The following GLG1 variants were observed in gnomAD, a reference collection of about 807,000 sequenced individuals.
GLG1 encodes the protein Golgi apparatus protein 1.
Under a neutral mutation model 160.5 loss-of-function variants are expected in GLG1, and 38 were observed. That is an observed-to-expected ratio of 0.24 (90% CI 0.18 to 0.31). The LOEUF (loss-of-function observed/expected upper bound fraction) is 0.31. Among genes scored for constraint, GLG1 ranks in the 10% least tolerant of loss-of-function variants. The pLI is 1.00. For synonymous variants in GLG1, 644 were observed against 543.4 expected, an observed-to-expected ratio of 1.19 and a Z score of -2.57; for missense variants, 1,373 against 1,505.2, an observed-to-expected ratio of 0.91 and a Z score of 1.45.
At chr16:74,569,057 C>G (rs2018743928) in intron 1 of GLG1, among the ~76,000 whole-genome samples, 1 of 152,186 alleles carries the variant, frequency 6.6e-6, no homozygotes, top group African/African-American at 2.4e-5. Context: ...GGGCAGAAAC[C>G]AAGCCCAAGG....
chr16:74,574,652 G>A (rs2018933582), intron 1 of GLG1, among the ~76,000 whole-genome samples: 2 of 151,836 alleles, frequency 1.3e-5, no homozygotes, highest in Non-Finnish European at 2.9e-5. Flanking sequence ...GGAGGCTGAG[G>A]AGGGAGGATC....
chr16:74,452,629 G>A lies in GLG1; in HGVS notation c.*538C>T, dbSNP rs560746492. The A allele has an allele frequency of 2.4e-4, 244 of 998,810 alleles. 1 individual carries two copies. The highest frequency in any genetic ancestry group is 2.7e-5 in the Non-Finnish European group (23 of 837,266). The allele number at this position is 998,810 out of a possible 1,614,324, so 61.9% of individuals were successfully genotyped here. A position where few individuals can be genotyped will look rare whatever the true frequency, so the allele number is the denominator to read the frequency against. On this transcript the variant is annotated 3_prime_UTR_variant, in exon 26 of 26. Coordinates refer to ENST00000422840, the MANE Select transcript of GLG1 (RefSeq NM_001145667.2). ...CCTCGGTGAAGACCACGGCCCTGGCGAGGCCCCAAGGTGCTTCTGAGAGAT... is the reference window on the plus strand; with the variant it reads ...CCTCGGTGAAGACCACGGCCCTGGCAAGGCCCCAAGGTGCTTCTGAGAGAT...
Position 74,493,036 on chromosome 16 carries a change from G to A in GLG1, c.1155C>T (p.Cys385=). The change falls in exon 7 of 26, where the codon TGC becomes TGT. Residue 385 remains cysteine, a synonymous_variant. Transcript: ENST00000422840. ...GCGATCGCGGAAGGTTTTCCACATT[G>A]CACCGGTATTTCTTCAAGTCACTTT... ...SCKSDLKKYR[C]NVENLPRSRE... The A allele has an allele frequency of 6.2e-7, 1 of 1,613,714 alleles. No homozygotes were observed. Among genetic ancestry groups the A allele is most frequent in the Non-Finnish European group, 8.5e-7 (1 of 1,179,734 alleles).
At chr16:74,484,081 CT>C (rs2015703119) in intron 9 of GLG1, among the ~76,000 whole-genome samples, 1 of 152,070 alleles carries the variant, frequency 6.6e-6, no homozygotes, top group Non-Finnish European at 1.5e-5. Context: ...TCCCTCTCCC[CT>C]GCCCCCTCTT....
At chr16:74,479,238 C>CAA (rs11343790) in intron 11 of GLG1, among the ~76,000 whole-genome samples, 18 of 85,720 alleles carry the variant, frequency 2.1e-4, no homozygotes, top group Non-Finnish European at 3.2e-4. Context: ...GGCTTTGTCT[C>CAA]AAAAAAAAAA....
intron 1 of GLG1, among the ~76,000 whole-genome samples, chr16:74,590,960 A>T (rs529000934): frequency 3.4e-4 from 51 of 151,902 alleles, no homozygotes; most frequent in Non-Finnish European, 5.6e-4. Context: ...AAAAAAAAAA[A>T]ATTAAAATAT....
At chr16:74,602,028 T>C (rs1165559591) in intron 1 of GLG1, among the ~76,000 whole-genome samples, 2 of 152,100 alleles carry the variant, frequency 1.3e-5, no homozygotes, top group African/African-American at 4.8e-5. Context: ...ATAATGATAG[T>C]CATTATCAAC....
chr16:74,491,711 C>T (rs141679328), intron 7 of GLG1, among the ~76,000 whole-genome samples: 2,727 of 144,482 alleles, frequency 0.019, 42 homozygotes, highest in Admixed American at 0.028. Flanking sequence ...GATCTCGGCT[C>T]ACTGCAAGCT....
chr16:74,528,742 G>A (rs965630247), intron 2 of GLG1, among the ~76,000 whole-genome samples: 1 of 141,642 alleles, frequency 7.1e-6, no homozygotes, highest in Non-Finnish European at 1.5e-5. Flanking sequence ...AACCCCAGAG[G>A]CGGAAGTTTC....
At chr16:74,592,617 G>C (rs1185534265) in intron 1 of GLG1, among the ~76,000 whole-genome samples, 1 of 152,136 alleles carries the variant, frequency 6.6e-6, no homozygotes, top group Non-Finnish European at 1.5e-5. Context: ...TTATAAATAA[G>C]AAAACTGGAG....
rs2017550136 is a variant in GLG1, at chr16:74,532,051, A to T, written c.471+70T>A. On this transcript the variant is annotated intron_variant, in intron 2 of 25. Transcript: ENST00000422840. ...ACATAGCACTTCCCAGAACAACAGG[A>T]AGAGCATCCCGAAATCTGTCATCGT... is the stretch of plus-strand genomic sequence containing the variant. 3 of 603,448 alleles carry T rather than the reference A, an allele frequency of 5.0e-6. No individual in the cohort carries two copies. In the South Asian group the frequency reaches 1.1e-4, roughly 22 times the overall value. The allele number at this position is 603,448 out of a possible 1,614,324, so 37.4% of individuals were successfully genotyped here.
intron 17 of GLG1, 67 bp downstream of exon 17, chr16:74,468,879 G>C: frequency 1.0e-6 from 1 of 976,330 alleles, no homozygotes; most frequent in Non-Finnish European, 1.7e-6. Context: ...CCTTGCCCTA[G>C]CCTCTCCCCA....
intron 1 of GLG1, among the ~76,000 whole-genome samples, chr16:74,589,996 T>TTTG (rs35360166): frequency 0.69 from 104,029 of 150,904 alleles, 36,594 homozygotes; most frequent in African/African-American, 0.82. Context: ...AAACTTCACT[T>TTTG]TTGTTGTTGT....
Position 74,607,077 on chromosome 16 carries a change from A to G in GLG1, c.18T>C (p.Arg6=), listed in dbSNP as rs750081579. 179 of 1,556,882 alleles carry G rather than the reference A, an allele frequency of 1.1e-4. 1 individual carries two copies. In the Middle Eastern group the frequency reaches 1.7e-3, roughly 15 times the overall value. The stretch of plus-strand genomic sequence containing the variant: ...CCGACAAGCGGAACATCCTCCGTAC[A>G]CGTCCACACGCCGCCATCTTGAGTC... MAACG[R]VRRMFRLSAA... is the part of the protein sequence containing the mutation. Residue 6 remains arginine, a synonymous_variant, in exon 1 of 26, where the codon CGT becomes CGC. Coordinates refer to ENST00000422840, the MANE Select transcript of GLG1 (RefSeq NM_001145667.2).
rs558607276 is a variant in GLG1 at position 74,597,037 on chromosome 16, C to T, written c.438+9620G>A. ...AGGAGGCTGAGGTGGGATGATCACT[C>T]GTGCTCGGGAGGCAGAGGCTGCAGT... On this transcript the variant is annotated intron_variant, in intron 1 of 25. Transcript: ENST00000422840. 5.9e-5 allele frequency among the ~76,000 whole-genome samples: 9 copies of T among 151,372 alleles called. 1 individual carries two copies. In the South Asian group the frequency reaches 1.9e-3, roughly 32 times the overall value.
chr16:74,528,375 AT>A (rs956958311), intron 2 of GLG1, among the ~76,000 whole-genome samples: 8 of 152,136 alleles, frequency 5.3e-5, no homozygotes, highest in African/African-American at 1.7e-4. Flanking sequence ...AGCATTTTAC[AT>A]TTATTGTTTC....
chr16:74,559,959 T>C (rs915631229), intron 1 of GLG1, among the ~76,000 whole-genome samples: 1 of 152,220 alleles, frequency 6.6e-6, no homozygotes, highest in Admixed American at 6.5e-5. Context: ...TTTTCCCCTA[T>C]TGTTAATAGC....
intron 2 of GLG1, among the ~76,000 whole-genome samples, chr16:74,519,422 A>G (rs1460529626): frequency 3.3e-5 from 5 of 152,286 alleles, no homozygotes; most frequent in Admixed American, 3.3e-4. Flanking sequence ...ACCATGGCAC[A>G]TGTATACCTA....
At chr16:74,574,883 CAAAAAAAAAA>C (rs531720341) in intron 1 of GLG1, among the ~76,000 whole-genome samples, 136 of 24,784 alleles carry the variant, frequency 5.5e-3, no homozygotes, top group African/African-American at 3.7e-3. Context: ...GACTCTGTCT[CAAAAAAAAAA>C]AAAAAAAAAA....
Sources: gnomAD v4.1 joint callset for allele counts (sites outside exome capture counted in the v4.1 genomes callset) on GRCh38, gnomAD v4.1.1 for gene constraint, MANE v1.5 for transcripts, NCBI Gene and HGNC (gene_info 2026-07-23, HGNC 2026-07-21) for gene names.